The following DOCK1 variants were observed in gnomAD, a reference collection of about 807,000 sequenced individuals.
DOCK1 encodes the protein dedicator of cytokinesis protein 1.
In DOCK1, 138 loss-of-function variants were observed where a neutral mutation model predicts 262.7. The ratio of observed to expected loss-of-function variants is 0.53; its 90% CI spans 0.46 to 0.61. The LOEUF (loss-of-function observed/expected upper bound fraction) is 0.61. DOCK1 is among the 20% of genes least tolerant of loss of function. The pLI is 0.00. For missense variants in DOCK1, 1,908 were observed against 2,370.7 expected, an observed-to-expected ratio of 0.80 and a Z score of 4.05; for synonymous variants, 866 against 867.4, an observed-to-expected ratio of 1.00 and a Z score of 0.03.
At position 127,382,794 on chromosome 10, in the gene DOCK1, A is replaced by G. The variant is rs139957680; in HGVS notation, c.3807+1426A>G. Among the ~76,000 whole-genome samples the G allele has an allele frequency of 1.9e-3, 282 of 152,322 alleles. 1 individual carries two copies. The highest frequency in any genetic ancestry group is 6.5e-3 in the African/African-American group (270 of 41,572). On this transcript the variant is annotated intron_variant, in intron 37 of 51. Coordinates refer to ENST00000623213, the MANE Select transcript of DOCK1 (RefSeq NM_001290223.2). ...CGTAAACTTTTATATGCATGTGTGA[A>G]TGTAAAACATATATATGTGCATAAA...
chr10:127,196,746 G>C (rs2057197118), intron 27 of DOCK1, among the ~76,000 whole-genome samples: 1 of 147,780 alleles, frequency 6.8e-6, no homozygotes. Context: ...GAGGTGGAAG[G>C]AGCTGCCGCC....
At chr10:127,407,459 T>C (rs1438053867) in intron 40 of DOCK1, among the ~76,000 whole-genome samples, 2 of 152,194 alleles carry the variant, frequency 1.3e-5, no homozygotes, top group African/African-American at 4.8e-5. Flanking sequence ...CTTCTAATAC[T>C]ATCACCTTGG....
At chr10:127,254,134 T>G (rs2059753645) in intron 28 of DOCK1, among the ~76,000 whole-genome samples, 1 of 152,172 alleles carries the variant, frequency 6.6e-6, no homozygotes, top group Non-Finnish European at 1.5e-5. Context: ...GTATTCAGAT[T>G]TCCTCCATTC....
chr10:127,130,378 G>A (rs1287236207), intron 27 of DOCK1, among the ~76,000 whole-genome samples: 2 of 152,130 alleles, frequency 1.3e-5, no homozygotes, highest in Non-Finnish European at 2.9e-5. Context: ...GAGCCACCAT[G>A]CCCAGCCTTA....
chr10:126,907,071 C>A (rs546180471), intron 1 of DOCK1, among the ~76,000 whole-genome samples: 1 of 152,352 alleles, frequency 6.6e-6, no homozygotes, highest in Non-Finnish European at 1.5e-5. Context: ...GCACCCTGTG[C>A]ACCACCTAAT....
intron 38 of DOCK1, among the ~76,000 whole-genome samples, chr10:127,388,277 A>G (rs1363780239): frequency 6.6e-6 from 1 of 152,100 alleles, no homozygotes; most frequent in African/African-American, 2.4e-5. Flanking sequence ...TTTTAGGAGG[A>G]TTTTCTTCGT....
rs547642648 is a variant in DOCK1 at position 127,175,554 on chromosome 10, A to G, written c.2847+47790A>G. ...CCTCCGCTCGTCATCTGCCGGGCAGAGTGACCACTGGCTGGCGGCTGCAGA... is the reference window on the plus strand; with the variant it reads ...CCTCCGCTCGTCATCTGCCGGGCAGGGTGACCACTGGCTGGCGGCTGCAGA... On this transcript the variant is annotated intron_variant, in intron 27 of 51. Coordinates refer to ENST00000623213, the MANE Select transcript of DOCK1 (RefSeq NM_001290223.2). This position sits in a 1 kb window ranked among gnomAD's most constrained non-coding sequence, Gnocchi z 6.3. The G allele has an allele frequency of 4.3e-6, 7 of 1,611,804 alleles. No individual in the cohort carries two copies. Among genetic ancestry groups the G allele is most frequent in the Non-Finnish European group, 5.9e-6 (7 of 1,179,988 alleles).
At chr10:127,305,596 G>A (rs1026606923) in intron 29 of DOCK1, among the ~76,000 whole-genome samples, 3 of 152,146 alleles carry the variant, frequency 2.0e-5, no homozygotes, top group Non-Finnish European at 1.5e-5. Flanking sequence ...CCCTCAGGGA[G>A]CTCAGACAAG....
chr10:127,023,718 G>A (rs564705851), intron 14 of DOCK1, among the ~76,000 whole-genome samples: 8 of 152,168 alleles, frequency 5.3e-5, no homozygotes, highest in Admixed American at 2.0e-4. Context: ...GATTACAGGC[G>A]TGAGCCACAG....
intron 29 of DOCK1, among the ~76,000 whole-genome samples, chr10:127,319,377 C>A (rs1025191066): frequency 6.6e-6 from 1 of 152,200 alleles, no homozygotes; most frequent in African/African-American, 2.4e-5. Context: ...ATATTTTAAT[C>A]TCTGCAATAC....
intron 29 of DOCK1, among the ~76,000 whole-genome samples, chr10:127,292,465 C>T (rs1348062409): frequency 6.6e-6 from 1 of 152,066 alleles, no homozygotes; most frequent in African/African-American, 2.4e-5. Flanking sequence ...TGGCTGTTTA[C>T]AAGGGAGATG....
At chr10:127,237,725 G>T (rs1273816745) in intron 27 of DOCK1, among the ~76,000 whole-genome samples, 1 of 152,120 alleles carries the variant, frequency 6.6e-6, no homozygotes, top group African/African-American at 2.4e-5. Context: ...ATTGTATTCA[G>T]TAATAGTTCC....
intron 3 of DOCK1, among the ~76,000 whole-genome samples, chr10:126,978,300 C>T (rs978373856): frequency 2.0e-5 from 3 of 152,210 alleles, no homozygotes. Flanking sequence ...CCGAGTAAAG[C>T]GACTTCAGGA....
chr10:127,353,844 G>T (rs1040021460), intron 31 of DOCK1, among the ~76,000 whole-genome samples: 2 of 152,098 alleles, frequency 1.3e-5, no homozygotes, highest in Non-Finnish European at 2.9e-5. Context: ...TTGATTTACC[G>T]GCCAGGATCT....
chr10:127,238,822 T>C (rs778942984), intron 27 of DOCK1, among the ~76,000 whole-genome samples: 1 of 152,198 alleles, frequency 6.6e-6, no homozygotes, highest in Non-Finnish European at 1.5e-5. Flanking sequence ...AACTCAATGA[T>C]GTCAACACAC....
At chr10:127,308,216 T>G (rs1410107960) in intron 29 of DOCK1, among the ~76,000 whole-genome samples, 1 of 152,210 alleles carries the variant, frequency 6.6e-6, no homozygotes, top group Non-Finnish European at 1.5e-5. Flanking sequence ...ACGAGTGTCT[T>G]CATGCCAGGT....
At chr10:127,257,137 C>T (rs1052107926) in intron 28 of DOCK1, among the ~76,000 whole-genome samples, 198 bp from the exon 29 acceptor site, 2 of 152,168 alleles carry the variant, frequency 1.3e-5, no homozygotes, top group Non-Finnish European at 2.9e-5. Flanking sequence ...CTTGAAGAAG[C>T]CGTCTCAGAC....
At position 126,905,485 on chromosome 10, in the gene DOCK1, T is replaced by C; in HGVS notation, c.-33T>C. ...AAAATGGCGGCCTAGACGCGGAGTT[T>C]CCTGCCCGACCCGCGGCGGCTCCGG... On this transcript the variant is annotated 5_prime_UTR_variant, in exon 1 of 52. Coordinates refer to ENST00000623213, the MANE Select transcript of DOCK1 (RefSeq NM_001290223.2). 1.9e-6 allele frequency: 1 copy of C among 527,412 alleles called. No homozygotes were observed. The highest frequency in any genetic ancestry group is 3.5e-6 in the Non-Finnish European group (1 of 285,400). The allele number at this position is 527,412 out of a possible 1,614,324, so 32.7% of individuals were successfully genotyped here. A position where few individuals can be genotyped will look rare whatever the true frequency, so the allele number is the denominator to read the frequency against.
At position 127,144,290 on chromosome 10, in the gene DOCK1, A is replaced by G. The variant is rs10829483; in HGVS notation, c.2847+16526A>G. ...CTTTCTGTGGATTTTCTAGAATAAC[A>G]AAGTCCACCCTCCCCCCTGCCTCAT... On this transcript the variant is annotated intron_variant, in intron 27 of 51. Transcript: ENST00000623213. 6.6e-3 allele frequency among the ~76,000 whole-genome samples: 1,003 copies of G among 152,238 alleles called. 4 individuals are homozygous for G. Among genetic ancestry groups the G allele is most frequent in the Admixed American group, 0.012 (177 of 15,286 alleles).
Sources: gnomAD v4.1 joint callset for allele counts (sites outside exome capture counted in the v4.1 genomes callset) on GRCh38, gnomAD v4.1.1 for gene constraint, Gnocchi (gnomAD v3.1) non-coding constraint, MANE v1.5 for transcripts, NCBI Gene and HGNC (gene_info 2026-07-23, HGNC 2026-07-21) for gene names.